TFDP2: variants seen among roughly 807,000 people sequenced by gnomAD.
The protein encoded by TFDP2 is transcription factor Dp-2.
In TFDP2, 17 loss-of-function variants were observed where a neutral mutation model predicts 59.3. The ratio of observed to expected loss-of-function variants is 0.29; its 90% CI spans 0.20 to 0.43. The LOEUF (loss-of-function observed/expected upper bound fraction) is 0.43. Among genes scored for constraint, TFDP2 ranks in the 20% least tolerant of loss-of-function variants. The pLI is 1.00. For synonymous variants in TFDP2, 180 were observed against 194.7 expected (o/e 0.92, Z 0.63); for missense variants, 391 against 528.8 (o/e 0.74, Z 2.56).
intron 9 of TFDP2, among the ~76,000 whole-genome samples, chr3:141,968,346 CTA>C (rs1164664713): frequency 4.0e-5 from 4 of 99,482 alleles, no homozygotes; most frequent in African/African-American, 7.0e-5. Context: ...TAATATATAA[CTA>C]TATATAACAT....
chr3:142,066,655 G>A (rs2060083188), intron 3 of TFDP2, among the ~76,000 whole-genome samples: 2 of 152,122 alleles, frequency 1.3e-5, no homozygotes, highest in African/African-American at 4.8e-5. Flanking sequence ...TCGTTAAGTT[G>A]GGGATCATCT....
chr3:142,052,941 C>T (rs1210632278), intron 3 of TFDP2, among the ~76,000 whole-genome samples: 1 of 151,984 alleles, frequency 6.6e-6, no homozygotes. Context: ...TCCCTAGTAG[C>T]TGGGACTACA....
At chr3:141,972,612 C>T (rs1939938784) in intron 8 of TFDP2, among the ~76,000 whole-genome samples, 1 of 152,198 alleles carries the variant, frequency 6.6e-6, no homozygotes, top group South Asian at 2.1e-4. Flanking sequence ...ACTTGGCAGA[C>T]TACTCCCACC....
At chr3:142,060,695 G>T (rs2059890440) in intron 3 of TFDP2, among the ~76,000 whole-genome samples, 1 of 151,366 alleles carries the variant, frequency 6.6e-6, no homozygotes, top group Admixed American at 6.6e-5. Context: ...TAGCAAGAAT[G>T]GAATAAATTC....
intron 1 of TFDP2, among the ~76,000 whole-genome samples, chr3:142,113,212 T>C (rs1253934250): frequency 1.3e-5 from 2 of 152,202 alleles, no homozygotes; most frequent in East Asian, 1.9e-4. Flanking sequence ...TTAAGACTTA[T>C]CTTTACTTGA....
chr3:141,954,344 G>A (rs561690035), intron 11 of TFDP2, among the ~76,000 whole-genome samples: 1 of 151,798 alleles, frequency 6.6e-6, no homozygotes, highest in South Asian at 2.1e-4. Flanking sequence ...ACTGGAACAT[G>A]TAAGATCTAA....
At chr3:141,991,001 C>T (rs779283314) in intron 6 of TFDP2, among the ~76,000 whole-genome samples, 25 of 151,802 alleles carry the variant, frequency 1.6e-4, no homozygotes, top group Non-Finnish European at 3.1e-4. Context: ...TAAGTTGCAG[C>T]GAGCCGAGAT....
At chr3:141,962,209 G>T (rs1483775930) in intron 10 of TFDP2, among the ~76,000 whole-genome samples, 1 of 150,516 alleles carries the variant, frequency 6.6e-6, no homozygotes, top group Non-Finnish European at 1.5e-5. Flanking sequence ...CTCCCAAAGT[G>T]CTGGGATTAC....
At chr3:142,026,804 A>G (rs896502105) in intron 3 of TFDP2, among the ~76,000 whole-genome samples, 7 of 151,868 alleles carry the variant, frequency 4.6e-5, no homozygotes, top group African/African-American at 1.7e-4. Flanking sequence ...ATGCTTCCAC[A>G]CTCTTCATTC....
chr3:141,989,897 A>T (rs1942567028), intron 6 of TFDP2, among the ~76,000 whole-genome samples: 1 of 150,050 alleles, frequency 6.7e-6, no homozygotes, highest in Non-Finnish European at 1.5e-5. Flanking sequence ...AATAATAATT[A>T]TTATTATTAT....
Position 141,952,990 on chromosome 3 carries a change from T to A in TFDP2, c.1078A>T (p.Asn360Tyr). The A allele has an allele frequency of 6.2e-7, 1 of 1,614,080 alleles. No homozygotes were observed. The highest frequency in any genetic ancestry group is 8.5e-7 in the Non-Finnish European group (1 of 1,179,986). ...GTAGAGTTCAGAAGTAGTCCCTGATTTAACCAAGAAGGTCCTGTGGAGATA... is the reference window on the plus strand; with the variant it reads ...GTAGAGTTCAGAAGTAGTCCCTGATATAACCAAGAAGGTCCTGTGGAGATA... ...TDISTGPSWL[N>Y]QGLLLNSTQS... The change falls in exon 12 of 13, where the codon AAT (asparagine) becomes TAT (tyrosine). Residue 360 changes from asparagine to tyrosine, a missense_variant. This residue lies in a region of TFDP2 where 223 missense variants were observed against 292.5 expected (regional missense o/e 0.76). Coordinates refer to ENST00000489671, the MANE Select transcript of TFDP2 (RefSeq NM_001178139.2).
rs1359103350 is a variant in TFDP2, at chr3:142,121,635, T to A, written c.-92-19794A>T. ...AAGCAGGTGAGCAAAGAAGAGGTCC[T>A]CCCTTGTGCTTCCATAGGCTATACA... On this transcript the variant is annotated intron_variant, in intron 1 of 12. Transcript: ENST00000489671. This position sits in a 1 kb window ranked among gnomAD's most constrained non-coding sequence, Gnocchi z 4.3. 6.6e-6 allele frequency among the ~76,000 whole-genome samples: 1 copy of A among 152,132 alleles called. No individual in the cohort carries two copies. The highest frequency in any genetic ancestry group is 1.9e-4 in the East Asian group (1 of 5,196).
rs74921805 is a variant in TFDP2 at position 142,087,457 on chromosome 3, T to G, written c.82+5604A>C. 5.7e-3 allele frequency among the ~76,000 whole-genome samples: 864 copies of G among 152,168 alleles called. 18 individuals carry two copies. Among genetic ancestry groups the G allele is most frequent in the East Asian group, 0.026 (136 of 5,180 alleles). On this transcript the variant is annotated intron_variant, in intron 3 of 12. Transcript: ENST00000489671. ...CATTCATTATTGACTGAAACATCAT[T>G]ATGCAGCACATGACTGCATTTCTTA...
At chr3:142,064,094 C>T (rs1406961183) in intron 3 of TFDP2, among the ~76,000 whole-genome samples, 2 of 152,194 alleles carry the variant, frequency 1.3e-5, no homozygotes, top group African/African-American at 4.8e-5. Flanking sequence ...GCTGGGACTA[C>T]AGGCCTGTGC....
chr3:141,981,949 T>C (rs2108085519), intron 6 of TFDP2, among the ~76,000 whole-genome samples: 1 of 152,282 alleles, frequency 6.6e-6, no homozygotes, highest in East Asian at 1.9e-4. Context: ...GAATGACCTC[T>C]AGAAAGAAGG....
At chr3:142,135,590 G>A (rs1421111231) in intron 1 of TFDP2, among the ~76,000 whole-genome samples, 1 of 151,930 alleles carries the variant, frequency 6.6e-6, no homozygotes, top group Non-Finnish European at 1.5e-5. Flanking sequence ...GGTGTGTGAT[G>A]CTTCCTGCCC....
At position 142,143,475 on chromosome 3, in the gene TFDP2, T is replaced by C. The variant is rs142465696; in HGVS notation, c.-93+5708A>G. Among the ~76,000 whole-genome samples the C allele has an allele frequency of 1.7e-3, 264 of 152,126 alleles. 3 individuals carry two copies. Among genetic ancestry groups the C allele is most frequent in the African/African-American group, 6.0e-3 (250 of 41,482 alleles). ...CAAAGTGAAGAGACAACCCAAAGAA[T>C]GGGAGAAAACATTTGCAAACTACCT... On this transcript the variant is annotated intron_variant, in intron 1 of 12. Coordinates refer to ENST00000489671, the MANE Select transcript of TFDP2 (RefSeq NM_001178139.2).
intron 3 of TFDP2, among the ~76,000 whole-genome samples, chr3:142,031,955 G>A (rs2108412294): frequency 6.6e-6 from 1 of 152,274 alleles, no homozygotes; most frequent in African/African-American, 2.4e-5. Flanking sequence ...TTCCTGACAA[G>A]CACTACACCT....
At chr3:141,980,196 T>C (rs924594048) in intron 6 of TFDP2, among the ~76,000 whole-genome samples, 1 of 147,540 alleles carries the variant, frequency 6.8e-6, no homozygotes, top group African/African-American at 2.5e-5. Context: ...TGAGCCACCC[T>C]GCCCAGCCAC....
Sources: gnomAD v4.1 joint callset for allele counts (sites outside exome capture counted in the v4.1 genomes callset) on GRCh38, gnomAD v4.1.1 for gene constraint, gnomAD v4.1.1 regional missense constraint, Gnocchi (gnomAD v3.1) non-coding constraint, MANE v1.5 for transcripts, NCBI Gene and HGNC (gene_info 2026-07-23, HGNC 2026-07-21) for gene names.